Variants in RTRAF observed in about 807,000 individuals in gnomAD.
The protein encoded by RTRAF is RNA transcription, translation and transport factor.
A neutral mutation model predicts 34.4 loss-of-function variants in RTRAF; 14 were observed. That is an observed-to-expected ratio of 0.41 (90% CI 0.27 to 0.64). The LOEUF (loss-of-function observed/expected upper bound fraction) is 0.64, where lower values mean the gene tolerates loss of function less well. RTRAF is among the 30% of genes least tolerant of loss of function. RTRAF has a pLI of 0.34. For synonymous variants in RTRAF, 96 were observed against 95.3 expected (o/e 1.01, Z -0.04); for missense variants, 291 against 288.4 (o/e 1.01, Z -0.06).
Position 51,998,521 on chromosome 14 carries a change from A to T in RTRAF, c.314A>T (p.Asp105Val). 1 of 1,589,604 alleles carries T rather than the reference A, an allele frequency of 6.3e-7. No individual in the cohort carries two copies. Among genetic ancestry groups the T allele is most frequent in the Non-Finnish European group, 8.6e-7 (1 of 1,167,704 alleles). ...GAAAAATACAAGGATTTAGTACCTG[A>T]TAATTCAAAAACTGCTGACAATGCA... ...NAEKYKDLVP[D>V]NSKTADNATK... is the part of the protein sequence containing the mutation. Residue 105 changes from aspartate (D) to valine (V), a missense_variant, in exon 4 of 8, where the codon GAT (aspartate) becomes GTT (valine). By Grantham distance (152) the Asp-to-Val change is radical. Transcript: ENST00000261700.
chr14:51,999,604 T>C, intron 4 of RTRAF, 104 bp from the exon 5 acceptor site: 1 of 692,876 alleles, frequency 1.4e-6, no homozygotes, highest in Non-Finnish European at 2.4e-6. Flanking sequence ...CTAAGAGATT[T>C]GTTGCTACCG....
Position 52,005,734 on chromosome 14 carries a change from T to TA in RTRAF, c.*1219dup. ...AAGGAGCATCCTAAAGCATACTTTTTACCTGTTGGGCAGTAGGGGTAGACT... is the reference window on the plus strand; with the variant it reads ...AAGGAGCATCCTAAAGCATACTTTTTAACCTGTTGGGCAGTAGGGGTAGACT... On this transcript the variant is annotated 3_prime_UTR_variant, in exon 8 of 8. Transcript: ENST00000261700. 1 of 1,608,310 alleles carries TA rather than the reference T, an allele frequency of 6.2e-7. No individual in the cohort carries two copies. Among genetic ancestry groups the TA allele is most frequent in the Non-Finnish European group, 8.5e-7 (1 of 1,174,672 alleles).
Position 52,006,466 on chromosome 14 carries a change from T to C in RTRAF, c.*1950T>C. On this transcript the variant is annotated 3_prime_UTR_variant, in exon 8 of 8. Coordinates refer to ENST00000261700, the MANE Select transcript of RTRAF (RefSeq NM_016039.3). ...ATGAGTCAAGTCAGGTACTGACTTT[T>C]GGTAAAACAAGTGGTGTGTCCTCTG... 1.9e-6 allele frequency: 3 copies of C among 1,579,872 alleles called. No individual in the cohort carries two copies. Among genetic ancestry groups the C allele is most frequent in the Non-Finnish European group, 2.6e-6 (3 of 1,159,790 alleles).
chr14:51,993,789 G>A lies in RTRAF; in HGVS notation c.253G>A (p.Gly85Ser). The A allele has an allele frequency of 6.2e-7, 1 of 1,601,890 alleles. No homozygotes were observed. The highest frequency in any genetic ancestry group is 8.5e-7 in the Non-Finnish European group (1 of 1,174,434). The change falls in exon 3 of 8, where the codon GGT becomes AGT. Residue 85 changes from glycine to serine, a missense_variant. By Grantham distance (56) the Gly-to-Ser change is moderately conservative. Transcript: ENST00000261700. ...DRQEAIDWLL[G>S]LAVRLEYGDN... ...ACAAGAAGCTATTGACTGGCTTCTTGGTTTAGCTGTTAGACTTGAATATGG... is the reference window on the plus strand; with the variant it reads ...ACAAGAAGCTATTGACTGGCTTCTTAGTTTAGCTGTTAGACTTGAATATGG...
Position 52,005,527 on chromosome 14 carries a change from T to G in RTRAF, c.*1011T>G. 1.3e-6 allele frequency: 2 copies of G among 1,591,568 alleles called. No homozygotes were observed. The highest frequency in any genetic ancestry group is 1.7e-6 in the Non-Finnish European group (2 of 1,171,338). ...AGAGAAGAGCAGGGGTGGGACAGGGTGGTGGGTGAGTATATTGTAACCAAG... is the reference window on the plus strand; with the variant it reads ...AGAGAAGAGCAGGGGTGGGACAGGGGGGTGGGTGAGTATATTGTAACCAAG... On this transcript the variant is annotated 3_prime_UTR_variant, in exon 8 of 8. Transcript: ENST00000261700.
chr14:52,000,502 T>C (rs1330758416), intron 5 of RTRAF, among the ~76,000 whole-genome samples: 1 of 152,108 alleles, frequency 6.6e-6, no homozygotes. Flanking sequence ...TTATAAGAGA[T>C]TAAAAGCTTT....
rs1293288719 is a variant in RTRAF, at chr14:52,005,716, A to G, written c.*1200A>G. 1 of 1,574,242 alleles carries G rather than the reference A, an allele frequency of 6.4e-7. No individual in the cohort carries two copies. Among genetic ancestry groups the G allele is most frequent in the Non-Finnish European group, 8.7e-7 (1 of 1,143,856 alleles). Reference sequence around the variant, plus strand: ...CTCTACCCTGCTAATTTAAAGGAGCATCCTAAAGCATACTTTTTACCTGTT... The same window carrying G: ...CTCTACCCTGCTAATTTAAAGGAGCGTCCTAAAGCATACTTTTTACCTGTT... On this transcript the variant is annotated 3_prime_UTR_variant, in exon 8 of 8. Coordinates refer to ENST00000261700, the MANE Select transcript of RTRAF (RefSeq NM_016039.3).
At chr14:51,994,414 G>T (rs1566731842) in intron 3 of RTRAF, among the ~76,000 whole-genome samples, 1 of 152,114 alleles carries the variant, frequency 6.6e-6, no homozygotes, top group African/African-American at 2.4e-5. Context: ...GTGTTTTTCG[G>T]TTAGTTACAG....
intron 3 of RTRAF, among the ~76,000 whole-genome samples, chr14:51,995,111 T>TA (rs764061582): frequency 3.9e-5 from 6 of 152,134 alleles, no homozygotes; most frequent in Non-Finnish European, 4.4e-5. Flanking sequence ...TGTAAACTGA[T>TA]ACTCAGCTTT....
rs1183835390 is a variant in RTRAF at position 52,007,782 on chromosome 14, T to G, written c.*3266T>G. 1.9e-6 allele frequency: 3 copies of G among 1,594,660 alleles called. No homozygotes were observed. Among genetic ancestry groups the G allele is most frequent in the Non-Finnish European group, 2.6e-6 (3 of 1,165,238 alleles). On this transcript the variant is annotated 3_prime_UTR_variant, in exon 8 of 8. Transcript: ENST00000261700. ...TCACATTCACTGTGATGAGAGGTTA[T>G]CTATTTGCATTCCATCAGTAGTATT...
chr14:52,005,956 T>C lies in RTRAF; in HGVS notation c.*1440T>C. 1.3e-6 allele frequency: 1 copy of C among 769,672 alleles called. No individual in the cohort carries two copies. Among genetic ancestry groups the C allele is most frequent in the Non-Finnish European group, 2.2e-6 (1 of 444,676 alleles). The allele number at this position is 769,672 out of a possible 1,614,324, so 47.7% of individuals were successfully genotyped here. ...AATAGAGGAAAATTTCTGGCAGCCT[T>C]CTCTGTCCCAGGGCTGGTGCTAAAG... On this transcript the variant is annotated 3_prime_UTR_variant, in exon 8 of 8. Transcript: ENST00000261700.
At position 52,004,385 on chromosome 14, in the gene RTRAF, C is replaced by A; in HGVS notation, c.604C>A (p.Gln202Lys). 6.2e-7 allele frequency: 1 copy of A among 1,613,580 alleles called. No individual in the cohort carries two copies. The highest frequency in any genetic ancestry group is 1.1e-5 in the South Asian group (1 of 90,934). Residue 202 changes from glutamine (Q) to lysine (K), a missense_variant, in exon 8 of 8, where the codon CAA (glutamine) becomes AAA (lysine). Physicochemically the swap from Gln to Lys is moderately conservative, Grantham distance 53. Coordinates refer to ENST00000261700, the MANE Select transcript of RTRAF (RefSeq NM_016039.3). ...AGATGCAGTTCTTAATGAAGCTGCT[C>A]AAATTCTGCGATTGCTGCACATAGA... ...TGDAVLNEAA[Q>K]ILRLLHIEEL...
Position 52,006,710 on chromosome 14 carries a change from ATGATAGTGACATAG to A in RTRAF, c.*2206_*2219del, listed in dbSNP as rs1381564230. On this transcript the variant is annotated 3_prime_UTR_variant, in exon 8 of 8. Transcript: ENST00000261700. Reference sequence around the variant, plus strand: ...AGGTCCTTCAGCTGCTTTGCCAAAAATGATAGTGACATAGTGATAGTGACACAGTGATAGAATGG... The same window carrying A: ...AGGTCCTTCAGCTGCTTTGCCAAAAATGATAGTGACACAGTGATAGAATGG... 8.7e-6 allele frequency: 14 copies of A among 1,603,582 alleles called. No individual in the cohort carries two copies. Among genetic ancestry groups the A allele is most frequent in the African/African-American group, 6.7e-5 (5 of 74,790 alleles).
At chr14:52,003,847 A>AAAT (rs1303141108) in intron 6 of RTRAF, among the ~76,000 whole-genome samples, 4 of 152,250 alleles carry the variant, frequency 2.6e-5, no homozygotes, top group African/African-American at 7.2e-5. Context: ...ACTGTCGCCA[A>AAAT]AATAAGACAG....
intron 1 of RTRAF, among the ~76,000 whole-genome samples, chr14:51,989,955 C>T (rs946453048): frequency 3.9e-5 from 6 of 152,236 alleles, no homozygotes; most frequent in African/African-American, 1.4e-4. Flanking sequence ...ACGTAACTAC[C>T]TTCTCTGTAC....
chr14:52,004,269 T>C (rs751755914), intron 7 of RTRAF, 27 bp downstream of exon 7: 2 of 1,608,656 alleles, frequency 1.2e-6, no homozygotes, highest in Admixed American at 3.4e-5. Context: ...AAATTCAAAC[T>C]ATTTTTTTTA....
In RTRAF at chr14:52,007,997, A is replaced by T; in HGVS notation, c.*3481A>T. On this transcript the variant is annotated 3_prime_UTR_variant, in exon 8 of 8. Transcript: ENST00000261700. Reference sequence around the variant, plus strand: ...AAGTTAAAAATCAAGATTGTAAAAGAATAGCCATGTAGCCTGTGGTAGGCA... The same window carrying T: ...AAGTTAAAAATCAAGATTGTAAAAGTATAGCCATGTAGCCTGTGGTAGGCA... 6.3e-7 allele frequency: 1 copy of T among 1,583,884 alleles called. No homozygotes were observed. Among genetic ancestry groups the T allele is most frequent in the Non-Finnish European group, 8.6e-7 (1 of 1,164,538 alleles).
At chr14:51,998,405 A>G in intron 3 of RTRAF, 89 bp from the exon 4 acceptor site, 1 of 671,074 alleles carries the variant, frequency 1.5e-6, no homozygotes, top group South Asian at 2.9e-5. Flanking sequence ...ACCTGTAATC[A>G]TTTTGGCTCA....
intron 6 of RTRAF, 27 bp downstream of exon 6, chr14:52,001,893 T>A: frequency 6.4e-7 from 1 of 1,574,058 alleles, no homozygotes. Context: ...CCTAAATAAG[T>A]TGTTAATGAA....
Sources: allele counts gnomAD v4.1 joint callset (sites outside exome capture counted in the v4.1 genomes callset), GRCh38; gene constraint gnomAD v4.1.1; transcripts MANE v1.5; gene names NCBI Gene and HGNC (gene_info 2026-07-23, HGNC 2026-07-21).